Variants in CACNA1A observed in about 807,000 individuals in gnomAD.
CACNA1A encodes voltage-dependent P/Q-type calcium channel subunit alpha-1A.
A neutral mutation model predicts 262.4 loss-of-function variants in CACNA1A; 57 were observed. The observed-to-expected ratio is 0.22, with a 90% CI of 0.18 to 0.27. The LOEUF is 0.27. Ranked by LOEUF, CACNA1A falls within the 10% of genes least tolerant of loss-of-function variation. The pLI is 1.00. For missense variants in CACNA1A, 2,526 were observed against 3,562.8 expected (o/e 0.71, Z 7.41); for synonymous variants, 1,431 against 1,419.3 (o/e 1.01, Z -0.18).
rs542106833 is a variant in CACNA1A, at chr19:13,206,692, T to A, written c.*621A>T. 2.7e-3 allele frequency: 414 copies of A among 154,016 alleles called. 2 individuals carry two copies. The highest frequency in any genetic ancestry group is 7.3e-3 in the South Asian group (36 of 4,918). The allele number at this position is 154,016 out of a possible 1,614,324, so 9.5% of individuals were successfully genotyped here. ...TTGTTTATTGTTATTATTATTTTTT[T>A]AAATTGATTTCTGCAGGCAGTAATA... On this transcript the variant is annotated 3_prime_UTR_variant, in exon 47 of 47. Coordinates refer to ENST00000360228, the MANE Select transcript of CACNA1A (RefSeq NM_001127222.2).
chr19:13,262,348 T>C (rs1247523125), intron 25 of CACNA1A: 1 of 167,854 alleles, frequency 6.0e-6, no homozygotes, highest in Admixed American at 5.8e-5. Flanking sequence ...GTTCATGCTA[T>C]TTTGGAATGG....
At chr19:13,209,254 C>T in intron 45 of CACNA1A, 58 bp downstream of exon 45, 1 of 1,429,800 alleles carries the variant, frequency 7.0e-7, no homozygotes, top group Non-Finnish European at 9.2e-7. Flanking sequence ...GCCCTGCCTT[C>T]TCCTCCCCTC....
intron 3 of CACNA1A, among the ~76,000 whole-genome samples, chr19:13,396,785 C>T (rs1044162609): frequency 6.6e-6 from 1 of 152,152 alleles, no homozygotes; most frequent in African/African-American, 2.4e-5. Context: ...GCCCTCGAGG[C>T]GGACCCTTGA....
chr19:13,428,483 C>G (rs73922400), intron 3 of CACNA1A, among the ~76,000 whole-genome samples: 1 of 152,096 alleles, frequency 6.6e-6, no homozygotes, highest in Non-Finnish European at 1.5e-5. Context: ...TTTTTACCTG[C>G]CAATATCCCC....
intron 5 of CACNA1A, chr19:13,363,491 A>AG (rs1208169936): frequency 4.4e-5 from 5 of 113,106 alleles, no homozygotes; most frequent in African/African-American, 2.2e-4. Context: ...AGAGAAAAAG[A>AG]GGAAAAAAAA....
chr19:13,490,693 GA>G (rs1980682062), intron 1 of CACNA1A, among the ~76,000 whole-genome samples: 1 of 2,258 alleles, frequency 4.4e-4, no homozygotes, highest in Non-Finnish European at 1.0e-3. Context: ...AGAAAGAAAG[GA>G]AAGAAAGAAA....
intron 32 of CACNA1A, 147 bp from the exon 33 acceptor site, chr19:13,235,421 G>T (rs111649262): frequency 2.3e-6 from 2 of 867,490 alleles, no homozygotes; most frequent in Non-Finnish European, 3.8e-6. Flanking sequence ...GCATCTCTGG[G>T]GGCTCTAGGA....
At chr19:13,231,966 G>A in intron 34 of CACNA1A, 106 bp from the exon 35 acceptor site, 2 of 1,158,876 alleles carry the variant, frequency 1.7e-6, no homozygotes, top group Non-Finnish European at 2.4e-6. Flanking sequence ...CTCTGGAGCT[G>A]GCCAGGCAAG....
intron 38 of CACNA1A, among the ~76,000 whole-genome samples, chr19:13,219,963 A>AG (rs56328396): frequency 0.82 from 120,323 of 147,156 alleles, 49,391 homozygotes; most frequent in South Asian, 0.89. Context: ...AAAAAAAAAA[A>AG]AAAGAAAGAA....
intron 1 of CACNA1A, among the ~76,000 whole-genome samples, chr19:13,494,392 A>G (rs1371620962): frequency 1.3e-5 from 2 of 152,192 alleles, no homozygotes; most frequent in Admixed American, 1.3e-4. Context: ...CCATGGGGAG[A>G]CCTGGAGAAA....
At chr19:13,368,324 C>T (rs76886649) in intron 4 of CACNA1A, among the ~76,000 whole-genome samples, 7,315 of 151,200 alleles carry the variant, frequency 0.048, 464 homozygotes, top group African/African-American at 0.14. Flanking sequence ...TAGTATTTCT[C>T]TGCCTATCAT....
At chr19:13,233,132 G>C (rs771596693) in intron 34 of CACNA1A, among the ~76,000 whole-genome samples, 2 of 151,634 alleles carry the variant, frequency 1.3e-5, no homozygotes, top group Non-Finnish European at 1.5e-5. Flanking sequence ...TCTGTTCTAG[G>C]TATGCTGGGC....
At chr19:13,346,643 TATATATATATATATATATATATA>T (rs1435940084) in intron 6 of CACNA1A, among the ~76,000 whole-genome samples, 5,608 of 15,656 alleles carry the variant, frequency 0.36, 390 homozygotes, top group Non-Finnish European at 0.41. Context: ...TATATATATA[TATATATATATATATATATATATA>T]TTTTTTTTTT....
intron 3 of CACNA1A, among the ~76,000 whole-genome samples, chr19:13,424,808 T>C (rs2060373884): frequency 6.6e-6 from 1 of 151,060 alleles, no homozygotes; most frequent in East Asian, 2.0e-4. Context: ...ACAACAGACA[T>C]CTATTTCTTT....
intron 3 of CACNA1A, among the ~76,000 whole-genome samples, chr19:13,414,062 A>C (rs2060179287): frequency 6.6e-6 from 1 of 151,998 alleles, no homozygotes; most frequent in African/African-American, 2.4e-5. Context: ...CATCTCTACA[A>C]AAAATACAAA....
chr19:13,220,477 A>G (rs2055180800), intron 38 of CACNA1A, among the ~76,000 whole-genome samples: 1 of 152,188 alleles, frequency 6.6e-6, no homozygotes, highest in South Asian at 2.1e-4. Context: ...TCAGTCCTAC[A>G]GCCACAAGGA....
chr19:13,475,712 G>C (rs558407109), intron 1 of CACNA1A, among the ~76,000 whole-genome samples: 1 of 152,304 alleles, frequency 6.6e-6, no homozygotes, highest in African/African-American at 2.4e-5. Flanking sequence ...CTATCACCCT[G>C]AACTTGGCAG....
At position 13,328,190 on chromosome 19, in the gene CACNA1A, C is replaced by G. The variant is rs183090100; in HGVS notation, c.1345+2054G>C. Reference sequence around the variant, plus strand: ...AAAGCAGTGGGATTACAGGCGTGAACCACTGTACCTCGTCATAAAACAGAT... The same window carrying G: ...AAAGCAGTGGGATTACAGGCGTGAAGCACTGTACCTCGTCATAAAACAGAT... On this transcript the variant is annotated intron_variant, in intron 10 of 46. Transcript: ENST00000360228. Among the ~76,000 whole-genome samples the G allele has an allele frequency of 6.6e-5, 10 of 152,336 alleles. No individual in the cohort carries two copies. The East Asian group carries it at 1.9e-3, about 29-fold the overall frequency.
At chr19:13,376,815 G>GTGTGATATATAACACATGTTATA (rs1336175742) in intron 3 of CACNA1A, among the ~76,000 whole-genome samples, 3 of 96,138 alleles carry the variant, frequency 3.1e-5, no homozygotes, top group Non-Finnish European at 5.1e-5. Context: ...TATATGTTAT[G>GTGTGATATATAACACATGTTATA]TGTGATATAT....
Sources: gnomAD v4.1 joint callset for allele counts (sites outside exome capture counted in the v4.1 genomes callset) on GRCh38, gnomAD v4.1.1 for gene constraint, MANE v1.5 for transcripts, NCBI Gene and HGNC (gene_info 2026-07-23, HGNC 2026-07-21) for gene names.